GPHN: variants seen among roughly 807,000 people sequenced by gnomAD.
GPHN encodes gephyrin.
GPHN carries 17 observed loss-of-function variants against 95.5 expected under a neutral mutation model. The observed-to-expected ratio is 0.18, with a 90% CI of 0.12 to 0.27. The LOEUF (loss-of-function observed/expected upper bound fraction) is 0.27, where lower values mean the gene tolerates loss of function less well. GPHN is among the 10% of genes least tolerant of loss of function. The pLI, the probability that GPHN is intolerant of heterozygous loss-of-function variation, is 1.00. For synonymous variants in GPHN, 320 were observed against 322.5 expected, an observed-to-expected ratio of 0.99 and a Z score of 0.08; for missense variants, 660 against 978.1, an observed-to-expected ratio of 0.67 and a Z score of 4.34.
intron 1 of GPHN, among the ~76,000 whole-genome samples, chr14:66,640,243 A>G (rs1225787601): frequency 6.6e-6 from 1 of 152,110 alleles, no homozygotes; most frequent in Non-Finnish European, 1.5e-5. Context: ...CAACATGGTG[A>G]AACTCCATTC....
intron 10 of GPHN, among the ~76,000 whole-genome samples, chr14:67,035,883 A>C (rs566666344): frequency 1.3e-5 from 2 of 152,082 alleles, no homozygotes; most frequent in East Asian, 3.9e-4. Flanking sequence ...TTGAAGAAGA[A>C]GGAATACTTC....
At chr14:67,590,028 C>T in the GPHN span, 378 of 1,528,482 alleles carry the variant, frequency 2.5e-4, 2 homozygotes, top group East Asian at 8.8e-3. Context: ...GCCCCTATGG[C>T]TTAAGAGTCA....
intron 9 of GPHN, among the ~76,000 whole-genome samples, chr14:67,004,331 G>A (rs2072450925): frequency 6.6e-6 from 1 of 151,590 alleles, no homozygotes; most frequent in Non-Finnish European, 1.5e-5. Flanking sequence ...TTTCAGTTTT[G>A]CTGAAACTAC....
intron 10 of GPHN, among the ~76,000 whole-genome samples, chr14:67,046,029 G>T (rs2074998912): frequency 6.6e-6 from 1 of 151,686 alleles, no homozygotes; most frequent in African/African-American, 2.4e-5. Context: ...CTAAAATCTG[G>T]GTTTGCTTCT....
At chr14:67,275,156 G>A in the GPHN span, among the ~76,000 whole-genome samples, 2 of 152,170 alleles carry the variant, frequency 1.3e-5, no homozygotes, top group African/African-American at 4.8e-5. Flanking sequence ...CCAACACTGT[G>A]TTGAATAGGA....
chr14:67,340,327 A>G, the GPHN span: 1 of 858,532 alleles, frequency 1.2e-6, no homozygotes, highest in South Asian at 1.7e-5. Context: ...TTATCAGAAT[A>G]AAACATAAGC....
At chr14:67,273,403 C>T in the GPHN span, among the ~76,000 whole-genome samples, 168 of 152,122 alleles carry the variant, frequency 1.1e-3, 1 homozygote, top group Non-Finnish European at 1.2e-3. Flanking sequence ...AAAATTTGCT[C>T]AGAATGATGG....
At chr14:67,649,871 A>G in the GPHN span, 6 of 152,174 alleles carry the variant, frequency 3.9e-5, no homozygotes, top group Non-Finnish European at 8.8e-5. Flanking sequence ...CTTCATCCAG[A>G]ATAACCAACT....
At chr14:67,223,778 C>T in the GPHN span, 1 of 985,268 alleles carries the variant, frequency 1.0e-6, no homozygotes, top group South Asian at 4.7e-5. Flanking sequence ...CAGTTTTTCC[C>T]CTGATTAGCA....
At chr14:66,993,806 G>A (rs561003188) in intron 9 of GPHN, among the ~76,000 whole-genome samples, 1 of 152,122 alleles carries the variant, frequency 6.6e-6, no homozygotes, top group African/African-American at 2.4e-5. Context: ...AACATTGTTT[G>A]AGCCTTCCTT....
chr14:66,635,547 C>T (rs2064050261), intron 1 of GPHN, among the ~76,000 whole-genome samples: 2 of 152,048 alleles, frequency 1.3e-5, no homozygotes, highest in Admixed American at 1.3e-4. Flanking sequence ...TTAACTGGTC[C>T]TCTGAGTGAT....
At chr14:66,551,043 G>C (rs1267976884) in intron 1 of GPHN, 5 of 156,620 alleles carry the variant, frequency 3.2e-5, no homozygotes, top group African/African-American at 1.2e-4. Flanking sequence ...TTTTTTAGTA[G>C]GGATGGAGTT....
chr14:67,035,600 A>T (rs1172210335), intron 10 of GPHN, among the ~76,000 whole-genome samples: 1 of 151,948 alleles, frequency 6.6e-6, no homozygotes, highest in Non-Finnish European at 1.5e-5. Flanking sequence ...ATACAATTAT[A>T]TGCCAACAAA....
At chr14:66,674,189 C>T (rs768528438) in intron 1 of GPHN, among the ~76,000 whole-genome samples, 6 of 151,790 alleles carry the variant, frequency 4.0e-5, no homozygotes, top group African/African-American at 1.5e-4. Context: ...ACCTCTGCCT[C>T]CCGGGTTCAT....
chr14:66,828,036 T>C (rs2153495779), intron 4 of GPHN, among the ~76,000 whole-genome samples: 1 of 152,096 alleles, frequency 6.6e-6, no homozygotes, highest in Middle Eastern at 3.4e-3. Context: ...CTTAAATGGA[T>C]TTAAAATATA....
In GPHN at chr14:66,630,347, A is replaced by C. The variant is rs1318028991; in HGVS notation, c.65-50760A>C. Among the ~76,000 whole-genome samples the C allele has an allele frequency of 2.6e-5, 4 of 152,332 alleles. No individual in the cohort carries two copies. In the South Asian group the frequency reaches 8.3e-4, roughly 32 times the overall value. On this transcript the variant is annotated intron_variant, in intron 1 of 22. Coordinates refer to ENST00000478722, the MANE Select transcript of GPHN (RefSeq NM_020806.5). ...GTCAGATCTATCCTGAAATAAAAAG[A>C]ATCTGATCACATTTCCTTAGTGATT...
At chr14:66,548,813 C>A (rs984229362) in intron 1 of GPHN, among the ~76,000 whole-genome samples, 7 of 152,054 alleles carry the variant, frequency 4.6e-5, no homozygotes, top group Admixed American at 6.5e-5. Flanking sequence ...GCCTCTTGTG[C>A]CAAATAGCCA....
chr14:67,199,298 T>A, the GPHN span: 1 of 1,607,006 alleles, frequency 6.2e-7, no homozygotes, highest in East Asian at 2.2e-5. Flanking sequence ...GATCAGACTC[T>A]ATGGGAAGCC....
At chr14:67,545,994 A>T in the GPHN span, among the ~76,000 whole-genome samples, 1 of 152,230 alleles carries the variant, frequency 6.6e-6, no homozygotes, top group Non-Finnish European at 1.5e-5. Flanking sequence ...AACAGTTAGA[A>T]CCATTTAATG....
Sources: gnomAD v4.1 joint callset for allele counts (sites outside exome capture counted in the v4.1 genomes callset) on GRCh38, gnomAD v4.1.1 for gene constraint, MANE v1.5 for transcripts, NCBI Gene and HGNC (gene_info 2026-07-23, HGNC 2026-07-21) for gene names.